SUMF1: variants seen among roughly 807,000 people sequenced by gnomAD.
SUMF1 encodes formylglycine-generating enzyme.
In SUMF1, 48 loss-of-function variants were observed where a neutral mutation model predicts 47.6. The ratio of observed to expected loss-of-function variants is 1.01; its 90% CI spans 0.80 to 1.28. The LOEUF is 1.28. Ranked by LOEUF, SUMF1 falls within the 50% of genes most tolerant of loss-of-function variation. The probability of loss-of-function intolerance (pLI) is 0.00; values close to 1 mark genes in which losing one functional copy is unlikely to be tolerated. For missense variants in SUMF1, 571 were observed against 485.4 expected, an observed-to-expected ratio of 1.18 and a Z score of -1.66; for synonymous variants, 230 against 192.1, an observed-to-expected ratio of 1.20 and a Z score of -1.63.
At chr3:4,363,633 T>C (rs1054172587) in intron 8 of SUMF1, among the ~76,000 whole-genome samples, 1 of 151,590 alleles carries the variant, frequency 6.6e-6, no homozygotes, top group African/African-American at 2.4e-5. Context: ...GCTGACACAA[T>C]GGGGTTTTCT....
intron 8 of SUMF1, among the ~76,000 whole-genome samples, chr3:4,097,364 C>T (rs1574879382): frequency 6.6e-6 from 1 of 152,018 alleles, no homozygotes; most frequent in African/African-American, 2.4e-5. Context: ...ACCAGCCTGG[C>T]CAAGATGGTG....
intron 8 of SUMF1, among the ~76,000 whole-genome samples, chr3:4,113,300 A>G (rs1374786489): frequency 6.6e-6 from 1 of 152,118 alleles, no homozygotes; most frequent in African/African-American, 2.4e-5. Context: ...AGGCCAAGGC[A>G]GGAGGATTGC....
chr3:4,429,014 T>G (rs1702152982), intron 3 of SUMF1, among the ~76,000 whole-genome samples: 1 of 152,264 alleles, frequency 6.6e-6, no homozygotes, highest in Non-Finnish European at 1.5e-5. Context: ...CACTATAATT[T>G]CCGGTCTCCT....
In SUMF1 at chr3:4,136,556, C is replaced by A. The variant is rs570879763; in HGVS notation, c.1015-67811G>T. Among the ~76,000 whole-genome samples the A allele has an allele frequency of 1.9e-4, 29 of 152,116 alleles. No individual in the cohort carries two copies. The South Asian group carries it at 5.6e-3, about 29-fold the overall frequency. ...TAGGCAATACCATTCAGGACATAGG[C>A]ATGGGCAAGGACTTCATGTCTAAAA... On this transcript the variant is annotated intron_variant and NMD_transcript_variant, in intron 8 of 12. Transcript: ENST00000448413.
chr3:4,125,697 C>T (rs1341832814), intron 8 of SUMF1, among the ~76,000 whole-genome samples: 1 of 152,074 alleles, frequency 6.6e-6, no homozygotes, highest in African/African-American at 2.4e-5. Context: ...TTTTTAGAGA[C>T]AGGATCTTAC....
At chr3:4,161,059 C>A (rs1559522789) in intron 8 of SUMF1, among the ~76,000 whole-genome samples, 1 of 152,054 alleles carries the variant, frequency 6.6e-6, no homozygotes, top group Non-Finnish European at 1.5e-5. Context: ...CACCCCAAGC[C>A]CAGTAATGCT....
At chr3:4,344,612 A>G (rs1699337146) in intron 8 of SUMF1, among the ~76,000 whole-genome samples, 1 of 152,228 alleles carries the variant, frequency 6.6e-6, no homozygotes, top group Non-Finnish European at 1.5e-5. Flanking sequence ...AAAAGGCCAG[A>G]GTGCTTGCCT....
At chr3:4,322,197 C>T (rs1430617587) in intron 8 of SUMF1, among the ~76,000 whole-genome samples, 1 of 151,948 alleles carries the variant, frequency 6.6e-6, no homozygotes, top group Non-Finnish European at 1.5e-5. Flanking sequence ...ATACTAGAAC[C>T]AAAACAGACA....
At chr3:4,261,256 G>C (rs1388320599) in intron 8 of SUMF1, among the ~76,000 whole-genome samples, 3 of 152,174 alleles carry the variant, frequency 2.0e-5, no homozygotes, top group Admixed American at 6.5e-5. Flanking sequence ...AGAGAGAGAA[G>C]GGGAGAGAAA....
At chr3:4,163,396 G>A (rs866038350) in intron 8 of SUMF1, among the ~76,000 whole-genome samples, 29,082 of 39,114 alleles carry the variant, frequency 0.74, 9,831 homozygotes, top group Middle Eastern at 0.78. Flanking sequence ...GGGAGGGAGG[G>A]AGGGAGGGAG....
chr3:4,235,374 G>T (rs1475570353), intron 8 of SUMF1, among the ~76,000 whole-genome samples: 1 of 152,042 alleles, frequency 6.6e-6, no homozygotes, highest in Non-Finnish European at 1.5e-5. Context: ...TGAGGCACCT[G>T]TTCAGGAGAA....
intron 7 of SUMF1, among the ~76,000 whole-genome samples, chr3:4,379,187 G>A (rs1189489649): frequency 2.0e-5 from 3 of 152,266 alleles, no homozygotes; most frequent in Non-Finnish European, 4.4e-5. Context: ...GGAGGGTGTA[G>A]TGGGTTGAAG....
At chr3:4,110,555 G>A (rs911652428) in intron 8 of SUMF1, among the ~76,000 whole-genome samples, 2 of 152,052 alleles carry the variant, frequency 1.3e-5, no homozygotes, top group African/African-American at 4.8e-5. Context: ...TATGTTTATA[G>A]TGGCACTGTT....
Position 4,163,363 on chromosome 3 carries a change from A to AAAGGAAGGAAGGAAGGAAGGAAG in SUMF1, c.1015-94619_1015-94618insCTTCCTTCCTTCCTTCCTTCCTT, listed in dbSNP as rs1559525206. ...GAGAGAGAGAGACAGAGAGAGAGAG[A>AAAGGAAGGAAGGAAGGAAGGAAG]AAGGAAGGAAGGAAGGAAGGGAGGG... On this transcript the variant is annotated intron_variant and NMD_transcript_variant, in intron 8 of 12. Transcript: ENST00000448413. 1.1e-3 allele frequency among the ~76,000 whole-genome samples: 34 copies of AAAGGAAGGAAGGAAGGAAGGAAG among 31,578 alleles called. 2 individuals carry two copies. The highest frequency in any genetic ancestry group is 4.5e-3 in the African/African-American group (33 of 7,386). 20.7% of individuals were successfully genotyped at this position (31,578 alleles called of 152,430 possible). A position where few individuals can be genotyped will look rare whatever the true frequency, so the allele number is the denominator to read the frequency against.
rs1694363111 is a variant in SUMF1 at position 4,152,630 on chromosome 3, T to C, written c.1015-83885A>G. On this transcript the variant is annotated intron_variant and NMD_transcript_variant, in intron 8 of 12. Transcript: ENST00000448413. ...TAAAACAGAAGTGACAGTATGTGGA[T>C]CAGCTCCATAACTTATCTCATACAT... 1.3e-5 allele frequency among the ~76,000 whole-genome samples: 2 copies of C among 151,366 alleles called. 1 individual carries two copies. The highest frequency in any genetic ancestry group is 4.9e-5 in the African/African-American group (2 of 40,736).
intron 4 of SUMF1, among the ~76,000 whole-genome samples, chr3:4,419,533 T>C (rs1051469741): frequency 5.9e-5 from 9 of 152,172 alleles, no homozygotes; most frequent in African/African-American, 2.2e-4. Context: ...GAGATAATTA[T>C]TTCCTTGCCA....
chr3:4,379,441 G>T (rs1365500865), intron 7 of SUMF1, among the ~76,000 whole-genome samples: 1 of 152,210 alleles, frequency 6.6e-6, no homozygotes, highest in East Asian at 1.9e-4. Context: ...GAATGAGAAG[G>T]ATTCCTGGAA....
chr3:4,191,112 C>A lies in SUMF1; in HGVS notation c.1015-122367G>T, dbSNP rs374728271. ...ATCTTAACCAAGTCTGGTAAAGAAT[C>A]AAGCCTGAACATTCTGGCAGCAATC... On this transcript the variant is annotated intron_variant and NMD_transcript_variant, in intron 8 of 12. Coordinates refer to the SUMF1 transcript ENST00000448413. Among the ~76,000 whole-genome samples the A allele has an allele frequency of 3.3e-5, 5 of 152,252 alleles. No homozygotes were observed. In the East Asian group the frequency reaches 7.7e-4, roughly 24 times the overall value.
At chr3:4,077,417 C>T (rs1055178408) in intron 8 of SUMF1, among the ~76,000 whole-genome samples, 1 of 152,052 alleles carries the variant, frequency 6.6e-6, no homozygotes, top group Non-Finnish European at 1.5e-5. Flanking sequence ...AAATGTCCAT[C>T]AATAATAGAC....
Sources: gnomAD v4.1 joint callset for allele counts (sites outside exome capture counted in the v4.1 genomes callset) on GRCh38, gnomAD v4.1.1 for gene constraint, MANE v1.5 for transcripts, NCBI Gene and HGNC (gene_info 2026-07-23, HGNC 2026-07-21) for gene names.